The following TECRL variants were observed in gnomAD, a reference collection of about 807,000 sequenced individuals.
TECRL encodes the protein trans-2,3-enoyl-CoA reductase-like.
A neutral mutation model predicts 52.8 loss-of-function variants in TECRL; 63 were observed. The ratio of observed to expected loss-of-function variants is 1.19; its 90% CI spans 0.97 to 1.47. The LOEUF (loss-of-function observed/expected upper bound fraction) is 1.47. Among genes scored for constraint, TECRL ranks in the 40% most tolerant of loss-of-function variants. The pLI, the probability that TECRL is intolerant of heterozygous loss-of-function variation, is 0.00. For synonymous variants in TECRL, 164 were observed against 141.9 expected, an observed-to-expected ratio of 1.16 and a Z score of -1.10; for missense variants, 482 against 429.6, an observed-to-expected ratio of 1.12 and a Z score of -1.08.
intron 1 of TECRL, among the ~76,000 whole-genome samples, chr4:64,394,026 T>C (rs1261935460): frequency 6.6e-6 from 1 of 152,124 alleles, no homozygotes; most frequent in South Asian, 2.1e-4. Flanking sequence ...TAATTTAGTT[T>C]TTCCTTCTTC....
intron 9 of TECRL, among the ~76,000 whole-genome samples, chr4:64,283,056 A>C (rs1905397): frequency 0.99 from 151,014 of 152,040 alleles, 75,004 homozygotes; most frequent in East Asian, 1. Flanking sequence ...TAGTTGGAAG[A>C]AACCTCACCC....
chr4:64,393,822 A>G (rs988498150), intron 1 of TECRL, among the ~76,000 whole-genome samples: 2 of 152,020 alleles, frequency 1.3e-5, no homozygotes, highest in Non-Finnish European at 2.9e-5. Context: ...AGTTACGATT[A>G]CAATATTTTC....
chr4:64,358,985 C>T (rs1288070870), intron 2 of TECRL, among the ~76,000 whole-genome samples: 1 of 151,624 alleles, frequency 6.6e-6, no homozygotes, highest in Non-Finnish European at 1.5e-5. Context: ...TATTTTCTTG[C>T]AATAATGAAG....
intron 2 of TECRL, among the ~76,000 whole-genome samples, chr4:64,332,335 G>T (rs1316972542): frequency 6.6e-6 from 1 of 152,138 alleles, no homozygotes; most frequent in African/African-American, 2.4e-5. Context: ...GCTCAATTTT[G>T]AGTCATCTCC....
chr4:64,406,540 T>C (rs1724740448), intron 1 of TECRL, among the ~76,000 whole-genome samples: 1 of 151,940 alleles, frequency 6.6e-6, no homozygotes, highest in Non-Finnish European at 1.5e-5. Context: ...AATAAAATAA[T>C]AATAATAATT....
intron 1 of TECRL, among the ~76,000 whole-genome samples, chr4:64,385,888 T>C (rs1166600837): frequency 6.6e-6 from 1 of 152,148 alleles, no homozygotes; most frequent in African/African-American, 2.4e-5. Flanking sequence ...AACTCTTGCT[T>C]ACCTTTTCCC....
At position 64,281,487 on chromosome 4, in the gene TECRL, T is replaced by C; in HGVS notation, c.905A>G (p.Asn302Ser). ...TAAATAACATACCTCATAGGTGTAG[T>C]TAGGACATGAAACCAGGAAAAACAT... ...TWMFFLVSCP[N>S]YTYEIGSWIS... The change falls in exon 10 of 12, where the codon AAC (asparagine) becomes AGC (serine). Residue 302 changes from asparagine to serine, a missense_variant. Transcript: ENST00000381210. 1 of 1,598,150 alleles carries C rather than the reference T, an allele frequency of 6.3e-7. No individual in the cohort carries two copies. Among genetic ancestry groups the C allele is most frequent in the Non-Finnish European group, 8.6e-7 (1 of 1,168,394 alleles).
At chr4:64,394,339 G>A (rs1293945640) in intron 1 of TECRL, among the ~76,000 whole-genome samples, 1 of 152,042 alleles carries the variant, frequency 6.6e-6, no homozygotes, top group Non-Finnish European at 1.5e-5. Context: ...TCATTGTTGT[G>A]TAGCTAGATT....
At chr4:64,301,665 G>A (rs772937978) in intron 7 of TECRL, among the ~76,000 whole-genome samples, 1 of 151,172 alleles carries the variant, frequency 6.6e-6, no homozygotes, top group Non-Finnish European at 1.5e-5. Flanking sequence ...TGTAATCTGG[G>A]AGGATCAGGG....
rs1197022166 is a variant in TECRL, at chr4:64,289,753, C to G, written c.789G>C (p.Gly263=). Residue 263 remains glycine, a synonymous_variant, in exon 9 of 12, where the codon GGG becomes GGC. Transcript: ENST00000381210. ...ACAACATTACATTGATGAAATGATT[C>G]CCAGCTTCACAAATCTGCAAAACAT... The part of the protein sequence containing the change: ...SAINFLICEA[G]NHFINVMLSH... 6.5e-7 allele frequency: 1 copy of G among 1,547,646 alleles called. No individual in the cohort carries two copies. The highest frequency in any genetic ancestry group is 2.4e-5 in the East Asian group (1 of 41,028).
intron 2 of TECRL, among the ~76,000 whole-genome samples, chr4:64,366,548 A>T (rs999352516): frequency 1.6e-4 from 24 of 152,304 alleles, no homozygotes; most frequent in African/African-American, 5.8e-4. Context: ...TCCTAGCAGG[A>T]ACTTAAACAA....
chr4:64,279,738 T>C lies in TECRL; in HGVS notation c.*334A>G. The stretch of plus-strand genomic sequence containing the variant: ...GGGAAATGTCTGTTCAGATCGCTTT[T>C]TCATTTGTTAATCAGATTTTTTTTT... On this transcript the variant is annotated 3_prime_UTR_variant, in exon 12 of 12. Transcript: ENST00000381210. 2 of 904,758 alleles carry C rather than the reference T, an allele frequency of 2.2e-6. No homozygotes were observed. The highest frequency in any genetic ancestry group is 2.5e-6 in the Non-Finnish European group (2 of 792,894). The allele number at this position is 904,758 out of a possible 1,614,324, so 56.0% of individuals were successfully genotyped here. A position where few individuals can be genotyped will look rare whatever the true frequency, so the allele number is the denominator to read the frequency against.
intron 2 of TECRL, among the ~76,000 whole-genome samples, chr4:64,335,437 A>G (rs1402697736): frequency 1.3e-5 from 2 of 152,238 alleles, no homozygotes; most frequent in African/African-American, 4.8e-5. Context: ...CACTGATTCT[A>G]CATTTTGGTG....
chr4:64,384,985 C>T (rs1218603423), intron 1 of TECRL, among the ~76,000 whole-genome samples: 1 of 152,170 alleles, frequency 6.6e-6, no homozygotes, highest in Non-Finnish European at 1.5e-5. Flanking sequence ...GTGGGCAGTG[C>T]AGACCAGTTC....
At chr4:64,336,334 T>C (rs1388643220) in intron 2 of TECRL, among the ~76,000 whole-genome samples, 2 of 152,224 alleles carry the variant, frequency 1.3e-5, no homozygotes, top group East Asian at 1.9e-4. Flanking sequence ...TGGTAGTTTG[T>C]ATTTCTGTGG....
At chr4:64,280,970 CTT>C in intron 11 of TECRL, 69 bp downstream of exon 11, 1 of 1,179,894 alleles carries the variant, frequency 8.5e-7, no homozygotes. Context: ...ACTATAATAA[CTT>C]TTTCTCAGAA....
At chr4:64,285,987 G>A (rs1723062162) in intron 9 of TECRL, among the ~76,000 whole-genome samples, 1 of 152,096 alleles carries the variant, frequency 6.6e-6, no homozygotes, top group Non-Finnish European at 1.5e-5. Flanking sequence ...AGAGATTTCA[G>A]TAACCTCATC....
intron 9 of TECRL, among the ~76,000 whole-genome samples, chr4:64,287,382 A>T (rs999043046): frequency 2.6e-5 from 4 of 152,210 alleles, no homozygotes; most frequent in Admixed American, 2.0e-4. Flanking sequence ...TTACAGAACA[A>T]CTATTCTGGA....
chr4:64,325,805 A>G (rs886645213), intron 3 of TECRL, among the ~76,000 whole-genome samples: 12 of 152,264 alleles, frequency 7.9e-5, no homozygotes, highest in African/African-American at 2.9e-4. Context: ...AACTTCAAAG[A>G]ACAGATCATT....
Sources: gnomAD v4.1 joint callset for allele counts (sites outside exome capture counted in the v4.1 genomes callset) on GRCh38, gnomAD v4.1.1 for gene constraint, MANE v1.5 for transcripts, NCBI Gene and HGNC (gene_info 2026-07-23, HGNC 2026-07-21) for gene names.